Variants in TMC1 observed in about 807,000 individuals in gnomAD.
TMC1 encodes transmembrane channel-like protein 1.
Under a neutral mutation model 105.8 loss-of-function variants are expected in TMC1, and 84 were observed. The ratio of observed to expected loss-of-function variants is 0.79; its 90% CI spans 0.67 to 0.95. The LOEUF is 0.95. TMC1 is among the 40% of genes least tolerant of loss of function. The pLI, the probability that TMC1 is intolerant of heterozygous loss-of-function variation, is 0.00. For synonymous variants in TMC1, 315 were observed against 311.5 expected, an observed-to-expected ratio of 1.01 and a Z score of -0.12; for missense variants, 817 against 914.1, an observed-to-expected ratio of 0.89 and a Z score of 1.37.
intron 10 of TMC1, among the ~76,000 whole-genome samples, chr9:72,746,576 G>A (rs1827493114): frequency 7.2e-6 from 1 of 139,722 alleles, no homozygotes; most frequent in African/African-American, 2.8e-5. Context: ...TTTTTAAAAT[G>A]TGGCTAAAGG....
chr9:72,627,045 T>TG (rs1825360117), intron 3 of TMC1, among the ~76,000 whole-genome samples: 2 of 151,028 alleles, frequency 1.3e-5, no homozygotes, highest in Admixed American at 1.3e-4. Flanking sequence ...TTTTTTTTTT[T>TG]TGGGTCTGTC....
intron 10 of TMC1, among the ~76,000 whole-genome samples, chr9:72,749,081 A>G (rs892259386): frequency 6.6e-6 from 1 of 152,228 alleles, no homozygotes; most frequent in Non-Finnish European, 1.5e-5. Context: ...ATGCTTAAGC[A>G]TGTTGGAGGA....
At chr9:72,816,804 G>A (rs1828795391) in intron 19 of TMC1, among the ~76,000 whole-genome samples, 1 of 152,040 alleles carries the variant, frequency 6.6e-6, no homozygotes, top group African/African-American at 2.4e-5. Context: ...TATCAAATTA[G>A]AGCATTCTCA....
chr9:72,655,457 T>G (rs1487259262), intron 5 of TMC1, among the ~76,000 whole-genome samples: 1 of 152,134 alleles, frequency 6.6e-6, no homozygotes, highest in Non-Finnish European at 1.5e-5. Context: ...TGCCATTATT[T>G]TCTCATTTTT....
chr9:72,767,256 C>T (rs2118109200), intron 12 of TMC1, among the ~76,000 whole-genome samples: 1 of 152,296 alleles, frequency 6.6e-6, no homozygotes, highest in African/African-American at 2.4e-5. Flanking sequence ...ACCAGTTTTA[C>T]TTTATACATT....
At chr9:72,584,308 C>T (rs984427458) in intron 2 of TMC1, among the ~76,000 whole-genome samples, 2 of 151,412 alleles carry the variant, frequency 1.3e-5, no homozygotes, top group East Asian at 1.9e-4. Flanking sequence ...CTCTGTTACC[C>T]AGGCTGTAGT....
intron 5 of TMC1, among the ~76,000 whole-genome samples, chr9:72,683,033 AG>A (rs1168040479): frequency 1.3e-5 from 2 of 152,200 alleles, no homozygotes; most frequent in African/African-American, 4.8e-5. Context: ...GCAAAGGGAA[AG>A]TCTGCGCCCA....
intron 17 of TMC1, among the ~76,000 whole-genome samples, chr9:72,803,662 C>G (rs1272226293): frequency 6.6e-6 from 1 of 152,158 alleles, no homozygotes; most frequent in Non-Finnish European, 1.5e-5. Flanking sequence ...TAGAGAAATG[C>G]AAATCAAAAC....
intron 8 of TMC1, among the ~76,000 whole-genome samples, chr9:72,708,758 C>A (rs1255287891): frequency 2.6e-5 from 4 of 152,074 alleles, no homozygotes; most frequent in Non-Finnish European, 5.9e-5. Flanking sequence ...CCCTTTATTT[C>A]TTTCTCGTGT....
intron 3 of TMC1, among the ~76,000 whole-genome samples, chr9:72,624,202 A>G (rs1348427470): frequency 1.3e-5 from 2 of 152,154 alleles, no homozygotes; most frequent in Non-Finnish European, 1.5e-5. Flanking sequence ...ATGACCATGC[A>G]TAGCACCATA....
Position 72,700,406 on chromosome 9 carries a change from C to A in TMC1, c.237-112C>A, listed in dbSNP as rs528649939. On this transcript the variant is annotated intron_variant, in intron 7 of 23. Coordinates refer to ENST00000297784, the MANE Select transcript of TMC1 (RefSeq NM_138691.3). Reference sequence around the variant, plus strand: ...TGCTTATGGGTCCTAATGTTGACTGCATATGGTTACATTTAAAAAAAATGA... The same window carrying A: ...TGCTTATGGGTCCTAATGTTGACTGAATATGGTTACATTTAAAAAAAATGA... The A allele has an allele frequency of 1.6e-4, 129 of 793,304 alleles. No homozygotes were observed. The African/African-American group carries it at 2.1e-3, about 13-fold the overall frequency. 49.1% of individuals were successfully genotyped at this position (793,304 alleles called of 1,614,324 possible). A position where few individuals can be genotyped will look rare whatever the true frequency, so the allele number is the denominator to read the frequency against.
chr9:72,597,885 A>G (rs182925252), intron 2 of TMC1, among the ~76,000 whole-genome samples: 206 of 152,236 alleles, frequency 1.4e-3, no homozygotes, highest in Non-Finnish European at 2.5e-3. Context: ...TCTTCATTCC[A>G]TAACCTCACA....
In TMC1 at chr9:72,597,347, T is replaced by G. The variant is rs1410707780; in HGVS notation, c.-305-19021T>G. On this transcript the variant is annotated intron_variant, in intron 2 of 23. Coordinates refer to ENST00000297784, the MANE Select transcript of TMC1 (RefSeq NM_138691.3). ...CTGCGCTCCTCATGATAGTGCAGAT[T>G]GGCTCGGAAGTACTCAATTCTGTGG... Among the ~76,000 whole-genome samples the G allele has an allele frequency of 3.3e-5, 5 of 152,332 alleles. No homozygotes were observed. In the East Asian group the frequency reaches 9.7e-4, roughly 29 times the overall value.
chr9:72,802,227 C>CTACATACA (rs563960605), intron 17 of TMC1, among the ~76,000 whole-genome samples: 3 of 149,296 alleles, frequency 2.0e-5, no homozygotes, highest in African/African-American at 5.1e-5. Flanking sequence ...ACCCCTGTCT[C>CTACATACA]TACATACATA....
At chr9:72,649,559 T>G (rs1038495454) in intron 5 of TMC1, among the ~76,000 whole-genome samples, 7 of 152,174 alleles carry the variant, frequency 4.6e-5, no homozygotes, top group African/African-American at 1.7e-4. Context: ...CCCTATTTAA[T>G]ATGCTCATTT....
intron 13 of TMC1, among the ~76,000 whole-genome samples, chr9:72,785,733 G>A (rs1033402423): frequency 3.9e-5 from 6 of 152,320 alleles, no homozygotes; most frequent in Non-Finnish European, 4.4e-5. Flanking sequence ...GTGGGAAGGT[G>A]AGGAATTTCA....
intron 18 of TMC1, among the ~76,000 whole-genome samples, chr9:72,812,371 C>A (rs1215641819): frequency 6.6e-6 from 1 of 152,172 alleles, no homozygotes; most frequent in African/African-American, 2.4e-5. Flanking sequence ...AACATGGGAA[C>A]AGGGACAATG....
At chr9:72,778,076 G>A (rs1276327346) in intron 13 of TMC1, among the ~76,000 whole-genome samples, 2 of 152,174 alleles carry the variant, frequency 1.3e-5, no homozygotes, top group Admixed American at 6.5e-5. Flanking sequence ...GGGAAATATT[G>A]TAAACAAAGA....
chr9:72,522,367 C>T (rs925204678), intron 1 of TMC1, among the ~76,000 whole-genome samples: 2 of 152,170 alleles, frequency 1.3e-5, no homozygotes, highest in African/African-American at 2.4e-5. Flanking sequence ...TCCCAAAGTG[C>T]TGGGATTACA....
Sources: allele counts gnomAD v4.1 joint callset (sites outside exome capture counted in the v4.1 genomes callset), GRCh38; gene constraint gnomAD v4.1.1; transcripts MANE v1.5; gene names NCBI Gene and HGNC (gene_info 2026-07-23, HGNC 2026-07-21).